GYS1: variants seen among roughly 807,000 people sequenced by gnomAD.
GYS1 encodes the protein glycogen [starch] synthase, muscle.
GYS1 carries 60 observed loss-of-function variants against 89.1 expected under a neutral mutation model. The observed-to-expected ratio is 0.67, with a 90% CI of 0.55 to 0.84. The LOEUF (loss-of-function observed/expected upper bound fraction) is 0.84, where lower values mean the gene tolerates loss of function less well. Among genes scored for constraint, GYS1 ranks in the 40% least tolerant of loss-of-function variants. The probability of loss-of-function intolerance (pLI) is 0.00; values close to 1 mark genes in which losing one functional copy is unlikely to be tolerated. For synonymous variants in GYS1, 366 were observed against 401.7 expected (o/e 0.91, Z 1.06); for missense variants, 888 against 1,003.1 (o/e 0.89, Z 1.55).
chr19:48,968,748 C>A lies in GYS1; in HGVS notation c.*540G>T, dbSNP rs751117902. On this transcript the variant is annotated 3_prime_UTR_variant, in exon 16 of 16. Transcript: ENST00000323798. ...AGGGCTAGAACATCCCTCCCAGAGC[C>A]CCACTTCTGGAGTTGAAATGGAGGA... 2 of 454,162 alleles carry A rather than the reference C, an allele frequency of 4.4e-6. No homozygotes were observed. The highest frequency in any genetic ancestry group is 3.1e-5 in the South Asian group (2 of 64,480). 28.1% of individuals were successfully genotyped at this position (454,162 alleles called of 1,614,324 possible). A position where few individuals can be genotyped will look rare whatever the true frequency, so the allele number is the denominator to read the frequency against.
rs188000350 is a variant in GYS1, at chr19:48,975,318, T to C, written c.1309-585A>G. ...CGAACTCATGGGCTCAAGCGATGCA[T>C]CCGTTTTGGCCTCCCGAAGTGCTGG... On this transcript the variant is annotated intron_variant, in intron 10 of 15. Transcript: ENST00000323798. Among the ~76,000 whole-genome samples, 533 of 150,672 alleles carry C rather than the reference T, an allele frequency of 3.5e-3. 5 individuals are homozygous for C. The highest frequency in any genetic ancestry group is 0.012 in the African/African-American group (512 of 41,062).
chr19:48,974,853 A>C lies in GYS1; in HGVS notation c.1309-120T>G, dbSNP rs1196453148. On this transcript the variant is annotated intron_variant, in intron 10 of 15. Coordinates refer to ENST00000323798, the MANE Select transcript of GYS1 (RefSeq NM_002103.5). ...ACCACAAATGCACCGGACGTGGGGC[A>C]ACAAACCCAAGTGATCACCAGGAGT... is the stretch of plus-strand genomic sequence containing the variant. 3 of 674,910 alleles carry C rather than the reference A, an allele frequency of 4.4e-6. No individual in the cohort carries two copies. The Admixed American group carries it at 6.6e-5, about 15-fold the overall frequency. The allele number at this position is 674,910 out of a possible 1,614,324, so 41.8% of individuals were successfully genotyped here.
At position 48,970,533 on chromosome 19, in the gene GYS1, G is replaced by C; in HGVS notation, c.1809+13C>G. The C allele has an allele frequency of 6.2e-7, 1 of 1,612,120 alleles. No homozygotes were observed. The highest frequency in any genetic ancestry group is 8.5e-7 in the Non-Finnish European group (1 of 1,178,830). Reference sequence around the variant, plus strand: ...TGATTTGCCAGGAGAGGATAGGAAAGTGGGGGTCCTACCCGGCCTAGGTAT... The same window carrying C: ...TGATTTGCCAGGAGAGGATAGGAAACTGGGGGTCCTACCCGGCCTAGGTAT... On this transcript the variant is annotated intron_variant, in intron 14 of 15. Transcript: ENST00000323798.
intron 10 of GYS1, among the ~76,000 whole-genome samples, chr19:48,975,223 G>A (rs752551944): frequency 2.0e-5 from 3 of 150,624 alleles, no homozygotes; most frequent in African/African-American, 7.3e-5. Context: ...GAGCCATTGC[G>A]CTCAGCCTAA....
intron 8 of GYS1, among the ~76,000 whole-genome samples, chr19:48,980,838 G>C (rs2038748993): frequency 6.6e-6 from 1 of 152,150 alleles, no homozygotes; most frequent in Non-Finnish European, 1.5e-5. Flanking sequence ...AAAAAGGCTA[G>C]GTGTGGTGGC....
At chr19:48,988,331 G>A (rs550159094) in intron 2 of GYS1, among the ~76,000 whole-genome samples, 12 of 152,036 alleles carry the variant, frequency 7.9e-5, no homozygotes, top group African/African-American at 2.9e-4. Flanking sequence ...TTCCTTCCAC[G>A]GGATGCTTCT....
chr19:48,973,181 A>C (rs1600133162), intron 12 of GYS1, among the ~76,000 whole-genome samples: 1 of 152,116 alleles, frequency 6.6e-6, no homozygotes, highest in South Asian at 2.1e-4. Context: ...TTTTTCCTGC[A>C]CCCTCACATA....
chr19:48,970,690 C>G lies in GYS1; in HGVS notation c.1665G>C (p.Arg555=). 6.2e-7 allele frequency: 1 copy of G among 1,613,966 alleles called. No homozygotes were observed. Among genetic ancestry groups the G allele is most frequent in the East Asian group, 2.2e-5 (1 of 44,882 alleles). ...AGGAATCATCCAGGCTGCGGAACCG[C>G]CGGTCAAGAATGTAGATACCTGTGG... ...PSAYGIYILD[R]RFRSLDDSCS... Residue 555 remains arginine (R), a synonymous_variant, in exon 14 of 16, where the codon CGG becomes CGC. Coordinates refer to ENST00000323798, the MANE Select transcript of GYS1 (RefSeq NM_002103.5).
At chr19:48,973,491 C>G (rs1245145772) in intron 12 of GYS1, among the ~76,000 whole-genome samples, 1 of 149,910 alleles carries the variant, frequency 6.7e-6, no homozygotes, top group Non-Finnish European at 1.5e-5. Flanking sequence ...GGAAATGGCA[C>G]TAATTTAGCT....
At position 48,991,997 on chromosome 19, in the gene GYS1, G is replaced by A. The variant is rs2038939349; in HGVS notation, c.119-514C>T. Among the ~76,000 whole-genome samples the A allele has an allele frequency of 6.6e-6, 1 of 151,990 alleles. No homozygotes were observed. The highest frequency in any genetic ancestry group is 1.5e-5 in the Non-Finnish European group (1 of 67,970). On this transcript the variant is annotated intron_variant, in intron 1 of 15. Transcript: ENST00000323798. The surrounding 1 kb of genome is among the most constrained non-coding windows in gnomAD (Gnocchi z 4.7). ...TGCATGGTCATTCCCTGCCCCCAGG[G>A]ACCTTGCTGACCTGCCTCCCAATTT...
chr19:48,980,197 C>G (rs2038737363), intron 8 of GYS1, among the ~76,000 whole-genome samples: 1 of 152,218 alleles, frequency 6.6e-6, no homozygotes, highest in Admixed American at 6.5e-5. Flanking sequence ...TGCTGTTCCT[C>G]AGATACCCAC....
chr19:48,977,784 AC>A lies in GYS1; in HGVS notation c.1308+139del. Reference sequence around the variant, plus strand: ...CGAGTCAGCACGTGCCCTTCTGTGGACCTCAGAATAGATCCCTTCATAAAGG... The same window carrying A: ...CGAGTCAGCACGTGCCCTTCTGTGGACTCAGAATAGATCCCTTCATAAAGG... On this transcript the variant is annotated intron_variant, in intron 10 of 15. Transcript: ENST00000323798. 2.2e-5 allele frequency: 16 copies of A among 721,726 alleles called. No homozygotes were observed. The South Asian group carries it at 2.3e-4, about 11-fold the overall frequency. 44.7% of individuals were successfully genotyped at this position (721,726 alleles called of 1,614,324 possible). A position where few individuals can be genotyped will look rare whatever the true frequency, so the allele number is the denominator to read the frequency against.
At position 48,970,652 on chromosome 19, in the gene GYS1, GT is replaced by G. The variant is rs1568616290; in HGVS notation, c.1702del (p.Thr568ProfsTer34). The G allele has an allele frequency of 6.2e-7, 1 of 1,611,642 alleles. No homozygotes were observed. The highest frequency in any genetic ancestry group is 1.3e-5 in the African/African-American group (1 of 74,992). On this transcript the variant is annotated frameshift_variant, in exon 14 of 16. Coordinates refer to ENST00000323798, the MANE Select transcript of GYS1 (RefSeq NM_002103.5). LOFTEE classifies it high-confidence loss of function. ...RSLDDSCSQLTSFLYSFCQQS... is the reference protein window; with the variant it reads ...RSLDDSCSQLXSFLYSFCQQS... ...CTGACAGAAACTGTAGAGGAAGGAG[GT>G]GAGCTGCGAGCAGGAATCATCCAGG...
chr19:48,970,318 A>C (rs1390698430), intron 14 of GYS1: 12 of 537,774 alleles, frequency 2.2e-5, no homozygotes, highest in Non-Finnish European at 3.7e-5. Flanking sequence ...GTAAAAATAA[A>C]ATGTTGCCCA....
intron 2 of GYS1, among the ~76,000 whole-genome samples, chr19:48,988,643 C>A (rs114878333): frequency 0.01 from 1,589 of 152,234 alleles, 26 homozygotes; most frequent in African/African-American, 0.036. Context: ...GAGACGGGGT[C>A]TTGCTCTGTC....
At chr19:48,984,304 G>C (rs1051330818) in intron 5 of GYS1, among the ~76,000 whole-genome samples, 3 of 151,960 alleles carry the variant, frequency 2.0e-5, no homozygotes, top group Non-Finnish European at 4.4e-5. Flanking sequence ...ACCGTGCCCA[G>C]CCAAGTTATG....
At chr19:48,989,926 G>A (rs538796598) in intron 2 of GYS1, among the ~76,000 whole-genome samples, 80 of 148,268 alleles carry the variant, frequency 5.4e-4, no homozygotes, top group African/African-American at 1.9e-3. Flanking sequence ...GCTCCTCGCC[G>A]ACCTGGCTTT....
At chr19:48,978,058 A>C in intron 9 of GYS1, 40 bp downstream of exon 9, 2 of 1,607,622 alleles carry the variant, frequency 1.2e-6, no homozygotes, top group Middle Eastern at 1.7e-4. Context: ...GGGGTTAGTC[A>C]GGGCCTAGGA....
chr19:48,973,323 T>C (rs35940791), intron 12 of GYS1, among the ~76,000 whole-genome samples: 3 of 101,780 alleles, frequency 2.9e-5, no homozygotes, highest in Non-Finnish European at 5.9e-5. Context: ...TTACCCAGTC[T>C]TGGATTTTTT....
Sources: allele counts gnomAD v4.1 joint callset (sites outside exome capture counted in the v4.1 genomes callset), GRCh38; gene constraint gnomAD v4.1.1; non-coding constraint Gnocchi (gnomAD v3.1); transcripts MANE v1.5; gene names NCBI Gene and HGNC (gene_info 2026-07-23, HGNC 2026-07-21).